PCDHA4: variants seen among roughly 807,000 people sequenced by gnomAD.
The protein encoded by PCDHA4 is protocadherin alpha-4.
A neutral mutation model predicts 61.4 loss-of-function variants in PCDHA4; 49 were observed. That is an observed-to-expected ratio of 0.80 (90% CI 0.63 to 1.01). The LOEUF is 1.01. PCDHA4 is among the 50% of genes least tolerant of loss of function. PCDHA4 has a pLI of 0.00. For missense variants in PCDHA4, 1,254 were observed against 1,235.8 expected, an observed-to-expected ratio of 1.01 and a Z score of -0.22; for synonymous variants, 590 against 550.3, an observed-to-expected ratio of 1.07 and a Z score of -1.01.
At chr5:140,822,050 A>AG (rs2150113241) in intron 1 of PCDHA4, 2 of 1,614,182 alleles carry the variant, frequency 1.2e-6, no homozygotes, top group South Asian at 2.2e-5. Flanking sequence ...ATCGACCGGG[A>AG]GGAGCTGTGC....
chr5:140,858,188 C>T, intron 1 of PCDHA4: 1 of 1,597,268 alleles, frequency 6.3e-7, no homozygotes, highest in Non-Finnish European at 8.6e-7. Context: ...GCTCACGCTG[C>T]TGCTGTACAC....
At chr5:140,969,091 G>A (rs1554231442) in intron 1 of PCDHA4, 3 of 1,614,152 alleles carry the variant, frequency 1.9e-6, no homozygotes, top group Admixed American at 1.7e-5. Context: ...TCAAAGTGCA[G>A]CCTCACTTCA....
chr5:140,883,421 G>A (rs1398671591), intron 1 of PCDHA4: 1 of 1,614,022 alleles, frequency 6.2e-7, no homozygotes, highest in Non-Finnish European at 8.5e-7. Flanking sequence ...AAATGGACAG[G>A]TCACCTGCAC....
intron 1 of PCDHA4, among the ~76,000 whole-genome samples, chr5:140,922,616 A>G (rs2080916487): frequency 6.6e-6 from 1 of 152,242 alleles, no homozygotes; most frequent in African/African-American, 2.4e-5. Context: ...TATTAAAACT[A>G]TGGTACACAT....
chr5:140,883,777 G>T, intron 1 of PCDHA4: 3 of 1,612,364 alleles, frequency 1.9e-6, no homozygotes, highest in Non-Finnish European at 1.7e-6. Flanking sequence ...GCGAGCGTGC[G>T]CTGTCGAGCT....
intron 1 of PCDHA4, chr5:140,882,538 C>A: frequency 6.2e-7 from 1 of 1,614,170 alleles, no homozygotes; most frequent in Non-Finnish European, 8.5e-7. Context: ...ATTCTCGGAT[C>A]GACCGCGAGG....
intron 1 of PCDHA4, chr5:140,829,729 C>A (rs1770524525): frequency 6.2e-7 from 1 of 1,613,494 alleles, no homozygotes; most frequent in African/African-American, 1.3e-5. Context: ...CGCCTCTGGG[C>A]AGCAACGTGA....
intron 1 of PCDHA4, chr5:140,868,902 T>G (rs2050730920): frequency 1.2e-6 from 1 of 837,896 alleles, no homozygotes; most frequent in African/African-American, 1.7e-5. Context: ...AAGGTGTCGC[T>G]CTTTACTTGG....
At chr5:140,817,018 A>G (rs1173014868) in intron 1 of PCDHA4, 7 of 152,034 alleles carry the variant, frequency 4.6e-5, no homozygotes, top group Non-Finnish European at 7.4e-5. Flanking sequence ...TCTTTCCCTC[A>G]TGAGAGAGAG....
chr5:140,935,435 A>G (rs1268078110), intron 1 of PCDHA4, among the ~76,000 whole-genome samples: 1 of 152,256 alleles, frequency 6.6e-6, no homozygotes, highest in Non-Finnish European at 1.5e-5. Context: ...TCAGCACTAC[A>G]GAAATAATAT....
intron 1 of PCDHA4, among the ~76,000 whole-genome samples, chr5:140,947,415 G>C (rs116670354): frequency 0.021 from 3,167 of 151,674 alleles, 64 homozygotes; most frequent in Admixed American, 0.045. Flanking sequence ...TGATATTGTA[G>C]CTTTATAAAT....
chr5:140,927,339 A>G lies in PCDHA4; in HGVS notation c.2386-51610A>G, dbSNP rs532353795. 3.7e-6 allele frequency: 6 copies of G among 1,614,052 alleles called. No individual in the cohort carries two copies. The South Asian group carries it at 4.4e-5, about 12-fold the overall frequency. The stretch of plus-strand genomic sequence containing the variant: ...CCCGCTTTACTCTCCCGAATGCCCA[A>G]GATGACGACGAGGGAAGCAATGGGA... On this transcript the variant is annotated intron_variant, in intron 1 of 3. Transcript: ENST00000530339.
chr5:140,812,986 A>G (rs2126643118), intron 1 of PCDHA4: 1 of 152,222 alleles, frequency 6.6e-6, no homozygotes, highest in South Asian at 2.1e-4. Context: ...GTTTTATTCC[A>G]CTGTGGTCAG....
At chr5:140,930,084 A>G (rs1350674790) in intron 1 of PCDHA4, 1 of 152,142 alleles carries the variant, frequency 6.6e-6, no homozygotes, top group Non-Finnish European at 1.5e-5. Flanking sequence ...CTCTCATAAC[A>G]TCTATTTATA....
intron 1 of PCDHA4, among the ~76,000 whole-genome samples, chr5:140,962,849 T>G (rs1434907172): frequency 6.6e-6 from 1 of 152,214 alleles, no homozygotes; most frequent in Non-Finnish European, 1.5e-5. Context: ...ATATAACTTG[T>G]GCTCGGTTTG....
In PCDHA4 at chr5:140,822,543, T is replaced by A; in HGVS notation, c.2385+12971T>A. Reference sequence around the variant, plus strand: ...TCAGATTGTTGGAAAATGCACCAAGTGGGACATTAGTTATTAAACTGAACG... The same window carrying A: ...TCAGATTGTTGGAAAATGCACCAAGAGGGACATTAGTTATTAAACTGAACG... On this transcript the variant is annotated intron_variant, in intron 1 of 3. Coordinates refer to ENST00000530339, the MANE Select transcript of PCDHA4 (RefSeq NM_018907.4). 6.2e-7 allele frequency: 1 copy of A among 1,613,924 alleles called. No homozygotes were observed. Among genetic ancestry groups the A allele is most frequent in the South Asian group, 1.1e-5 (1 of 91,086 alleles).
In PCDHA4 at chr5:140,869,539, A is replaced by G. The variant is rs782023058; in HGVS notation, c.2385+59967A>G. The G allele has an allele frequency of 2.5e-6, 4 of 1,614,088 alleles. No homozygotes were observed. The South Asian group carries it at 3.3e-5, about 13-fold the overall frequency. On this transcript the variant is annotated intron_variant, in intron 1 of 3. Coordinates refer to ENST00000530339, the MANE Select transcript of PCDHA4 (RefSeq NM_018907.4). ...ACAAAAGCTGCTGATTGCGGAATCT[A>G]AGCAATCGGACTCGCGTTTTCCACT...
chr5:140,978,841 T>G, intron 1 of PCDHA4, 108 bp from the exon 2 acceptor site: 1 of 1,563,056 alleles, frequency 6.4e-7, no homozygotes, highest in Non-Finnish European at 8.7e-7. Context: ...ATTCAATACT[T>G]TTTTAGATGC....
At chr5:140,891,428 C>G (rs2063097176) in intron 1 of PCDHA4, among the ~76,000 whole-genome samples, 1 of 149,620 alleles carries the variant, frequency 6.7e-6, no homozygotes, top group Admixed American at 6.7e-5. Flanking sequence ...CCCCAAGTCC[C>G]CAACGTCCAT....
Sources: allele counts gnomAD v4.1 joint callset (sites outside exome capture counted in the v4.1 genomes callset), GRCh38; gene constraint gnomAD v4.1.1; transcripts MANE v1.5; gene names NCBI Gene and HGNC (gene_info 2026-07-23, HGNC 2026-07-21).